The following RBM20 variants were observed in gnomAD, a reference collection of about 807,000 sequenced individuals.
The protein encoded by RBM20 is RNA binding motif protein 20, also known as RNA-binding protein 20.
Under a neutral mutation model 110.1 loss-of-function variants are expected in RBM20, and 51 were observed. The observed-to-expected ratio is 0.46, with a 90% CI of 0.37 to 0.59. The LOEUF is 0.59. RBM20 is among the 20% of genes least tolerant of loss of function. RBM20 has a pLI of 0.00. For missense variants in RBM20, 1,512 were observed against 1,574.9 expected, an observed-to-expected ratio of 0.96 and a Z score of 0.68; for synonymous variants, 589 against 618.2, an observed-to-expected ratio of 0.95 and a Z score of 0.70.
At chr10:110,673,613 A>G (rs531696768) in intron 1 of RBM20, among the ~76,000 whole-genome samples, 22 of 152,246 alleles carry the variant, frequency 1.4e-4, no homozygotes, top group African/African-American at 5.1e-4. Context: ...TTATGAGAAT[A>G]CTCTTAAGAT....
chr10:110,655,701 T>A (rs1269241365), intron 1 of RBM20, among the ~76,000 whole-genome samples: 1 of 152,198 alleles, frequency 6.6e-6, no homozygotes, highest in African/African-American at 2.4e-5. Flanking sequence ...GTTACAAGTG[T>A]TCTTTTGCTT....
At chr10:110,698,988 C>T (rs1476445911) in intron 1 of RBM20, among the ~76,000 whole-genome samples, 1 of 152,148 alleles carries the variant, frequency 6.6e-6, no homozygotes, top group Non-Finnish European at 1.5e-5. Flanking sequence ...TGCAAGCTTC[C>T]AAGAACTACT....
chr10:110,814,330 A>G (rs1207666694), intron 9 of RBM20, among the ~76,000 whole-genome samples: 3 of 152,172 alleles, frequency 2.0e-5, no homozygotes, highest in Non-Finnish European at 4.4e-5. Context: ...AGACCTATTA[A>G]TATAAAAATA....
At chr10:110,733,583 A>T (rs1843640702) in intron 1 of RBM20, among the ~76,000 whole-genome samples, 1 of 152,234 alleles carries the variant, frequency 6.6e-6, no homozygotes, top group South Asian at 2.1e-4. Flanking sequence ...GATTGAGGTC[A>T]TGGTTAATCA....
chr10:110,702,155 G>A (rs116215007), intron 1 of RBM20, among the ~76,000 whole-genome samples: 262 of 152,302 alleles, frequency 1.7e-3, no homozygotes, highest in African/African-American at 5.8e-3. Context: ...GCAAAAGTGG[G>A]AAGTTGCTCT....
chr10:110,715,051 C>A (rs563893491), intron 1 of RBM20, among the ~76,000 whole-genome samples: 74 of 152,296 alleles, frequency 4.9e-4, no homozygotes, highest in African/African-American at 1.7e-3. Flanking sequence ...AGTTCGAGAC[C>A]ATCCTGGTCA....
At chr10:110,793,337 A>G (rs565801888) in intron 5 of RBM20, among the ~76,000 whole-genome samples, 1 of 152,340 alleles carries the variant, frequency 6.6e-6, no homozygotes, top group Non-Finnish European at 1.5e-5. Flanking sequence ...ATATTTGGAA[A>G]GATTTTATCT....
At chr10:110,774,900 CAG>C (rs1196758851) in intron 1 of RBM20, among the ~76,000 whole-genome samples, 14 of 152,156 alleles carry the variant, frequency 9.2e-5, no homozygotes, top group East Asian at 5.8e-4. Flanking sequence ...AGCATTATAG[CAG>C]AGTTGAGAAT....
At position 110,699,182 on chromosome 10, in the gene RBM20, C is replaced by T. The variant is rs375014207; in HGVS notation, c.191+54537C>T. On this transcript the variant is annotated intron_variant, in intron 1 of 13. Transcript: ENST00000369519. ...CCAGACCCACGTGATGATGGAGATC[C>T]GGCAGGCAGTGGCTTCTTACTCAAG... Among the ~76,000 whole-genome samples, 9 of 151,576 alleles carry T rather than the reference C, an allele frequency of 5.9e-5. No homozygotes were observed. The South Asian group carries it at 6.3e-4, about 11-fold the overall frequency.
intron 1 of RBM20, among the ~76,000 whole-genome samples, chr10:110,777,749 A>C (rs769380211): frequency 6.6e-6 from 1 of 152,148 alleles, no homozygotes; most frequent in Non-Finnish European, 1.5e-5. Context: ...GGGAATCTCT[A>C]CTAAGAGCTC....
chr10:110,650,030 G>T (rs907505108), intron 1 of RBM20, among the ~76,000 whole-genome samples: 3 of 152,172 alleles, frequency 2.0e-5, no homozygotes, highest in Non-Finnish European at 4.4e-5. Context: ...GGCTCCATGG[G>T]TGGTCACTGT....
rs141942837 is a variant in RBM20 at position 110,748,761 on chromosome 10, A to G, written c.192-32040A>G. 6.8e-3 allele frequency among the ~76,000 whole-genome samples: 1,030 copies of G among 152,290 alleles called. 8 individuals are homozygous for G. Among genetic ancestry groups the G allele is most frequent in the East Asian group, 0.027 (138 of 5,190 alleles). On this transcript the variant is annotated intron_variant, in intron 1 of 13. Coordinates refer to ENST00000369519, the MANE Select transcript of RBM20 (RefSeq NM_001134363.3). ...TACCATTTTGATTATTTTAAGGTAC[A>G]CAGTTCAGTGCCACTAAGTGCATTT...
In RBM20 at chr10:110,821,802, A is replaced by G. The variant is rs397516612; in HGVS notation, c.3183A>G (p.Pro1061=). ...AGGAGAGGGCCCGGCAGCCAAGCCC[A>G]TTTGTGGATGATTGCAAGACCAGGG... is the stretch of plus-strand genomic sequence containing the variant. ...PAEERARQPS[P]FVDDCKTRGT... is the part of the protein sequence containing the mutation. Residue 1061 remains proline (P), a synonymous_variant, in exon 11 of 14, where the codon CCA becomes CCG. Coordinates refer to ENST00000369519, the MANE Select transcript of RBM20 (RefSeq NM_001134363.3). 6 of 1,551,620 alleles carry G rather than the reference A, an allele frequency of 3.9e-6. No individual in the cohort carries two copies. Among genetic ancestry groups the G allele is most frequent in the Non-Finnish European group, 5.2e-6 (6 of 1,147,006 alleles).
intron 1 of RBM20, among the ~76,000 whole-genome samples, chr10:110,696,237 G>C (rs1471468819): frequency 6.6e-6 from 1 of 152,226 alleles, no homozygotes; most frequent in South Asian, 2.1e-4. Flanking sequence ...GGTTGCAAGA[G>C]AATCGCATTT....
chr10:110,784,394 C>A lies in RBM20; in HGVS notation c.1391C>A (p.Pro464His). 1 of 1,551,374 alleles carries A rather than the reference C, an allele frequency of 6.4e-7. No individual in the cohort carries two copies. Among genetic ancestry groups the A allele is most frequent in the South Asian group, 1.2e-5 (1 of 84,036 alleles). The change falls in exon 4 of 14, where the codon CCC (proline) becomes CAC (histidine). Residue 464 changes from proline (P) to histidine (H), a missense_variant. Physicochemically the swap from Pro to His is moderately conservative, Grantham distance 77. Coordinates refer to ENST00000369519, the MANE Select transcript of RBM20 (RefSeq NM_001134363.3). ...GSAEGTLCAS[P>H]NSTAVYNPAG... The stretch of plus-strand genomic sequence containing the variant: ...GCAGAGGGAACATTGTGTGCTTCTC[C>A]CAACAGCACAGCTGTTTATAACCCT...
intron 1 of RBM20, among the ~76,000 whole-genome samples, chr10:110,651,525 G>A (rs7910705): frequency 0.17 from 26,121 of 152,132 alleles, 3,056 homozygotes; most frequent in African/African-American, 0.32. Context: ...CTTTCAGCTT[G>A]GGAGACAGAG....
At chr10:110,680,636 C>T (rs1258795856) in intron 1 of RBM20, among the ~76,000 whole-genome samples, 3 of 152,150 alleles carry the variant, frequency 2.0e-5, no homozygotes, top group Non-Finnish European at 2.9e-5. Flanking sequence ...GGCTGTGGTG[C>T]GCTGTCACGC....
chr10:110,736,668 C>T (rs961243824), intron 1 of RBM20, among the ~76,000 whole-genome samples: 21 of 152,052 alleles, frequency 1.4e-4, no homozygotes, highest in Admixed American at 7.9e-4. Context: ...TGCCAAACAC[C>T]CTGTGGGCCT....
chr10:110,813,265 T>C (rs1844798796), intron 9 of RBM20, among the ~76,000 whole-genome samples: 1 of 152,054 alleles, frequency 6.6e-6, no homozygotes, highest in Admixed American at 6.5e-5. Flanking sequence ...TGGCCCCAAA[T>C]CCCATGGCAC....
Sources: gnomAD v4.1 joint callset for allele counts (sites outside exome capture counted in the v4.1 genomes callset) on GRCh38, gnomAD v4.1.1 for gene constraint, MANE v1.5 for transcripts, NCBI Gene and HGNC (gene_info 2026-07-23, HGNC 2026-07-21) for gene names.